The following MYO16 variants were observed in gnomAD, a reference collection of about 807,000 sequenced individuals.
MYO16 encodes the protein unconventional myosin-XVI.
MYO16 carries 94 observed loss-of-function variants against 205.3 expected under a neutral mutation model. The observed-to-expected ratio is 0.46, with a 90% confidence interval of 0.39 to 0.54. The LOEUF is 0.54. MYO16 is among the 20% of genes least tolerant of loss of function. MYO16 has a pLI of 0.00. For synonymous variants in MYO16, 988 were observed against 954.0 expected (o/e 1.04, Z -0.66); for missense variants, 2,315 against 2,387.5 (o/e 0.97, Z 0.63).
intron 1 of MYO16, among the ~76,000 whole-genome samples, chr13:108,638,724 G>GA (rs1300469975): frequency 6.6e-6 from 1 of 152,046 alleles, no homozygotes; most frequent in Non-Finnish European, 1.5e-5. Context: ...TGTATAAATA[G>GA]AATTTTTTTC....
chr13:108,550,893 A>G, the MYO16 span, among the ~76,000 whole-genome samples: 8 of 152,222 alleles, frequency 5.3e-5, no homozygotes, highest in Non-Finnish European at 1.2e-4. Context: ...ATCCACAGGC[A>G]TAATGCATGA....
chr13:108,772,225 G>T (rs1458442878), intron 4 of MYO16, among the ~76,000 whole-genome samples: 3 of 152,108 alleles, frequency 2.0e-5, no homozygotes, highest in African/African-American at 4.8e-5. Flanking sequence ...CGAGCATGGT[G>T]GTGCACACCT....
intron 6 of MYO16, among the ~76,000 whole-genome samples, chr13:108,804,680 G>T (rs1887061858): frequency 6.6e-6 from 1 of 152,098 alleles, no homozygotes; most frequent in African/African-American, 2.4e-5. Flanking sequence ...TTGAAAAGTT[G>T]GTTATCTCAT....
intron 16 of MYO16, among the ~76,000 whole-genome samples, chr13:108,953,411 A>G (rs1883229603): frequency 6.6e-6 from 1 of 152,350 alleles, no homozygotes. Context: ...CATTCTGTAC[A>G]TGCATTGCAA....
intron 12 of MYO16, among the ~76,000 whole-genome samples, chr13:108,880,062 T>C (rs1314268051): frequency 1.3e-5 from 2 of 152,200 alleles, no homozygotes. Flanking sequence ...TTCTAACTGG[T>C]GTGAGATGGT....
intron 10 of MYO16, among the ~76,000 whole-genome samples, chr13:108,848,185 G>A (rs927125272): frequency 9.9e-5 from 15 of 152,094 alleles, no homozygotes; most frequent in African/African-American, 3.6e-4. Context: ...TAGACTGACT[G>A]TATGTGACTG....
chr13:109,018,380 A>G (rs1049464712), intron 22 of MYO16, among the ~76,000 whole-genome samples: 4 of 152,160 alleles, frequency 2.6e-5, no homozygotes, highest in African/African-American at 9.7e-5. Context: ...AGGGGTACCC[A>G]GCTGTATGAG....
intron 34 of MYO16, among the ~76,000 whole-genome samples, chr13:109,195,890 T>A (rs1880133516): frequency 6.6e-6 from 1 of 152,220 alleles, no homozygotes; most frequent in Non-Finnish European, 1.5e-5. Flanking sequence ...AAATTTTATA[T>A]CTTATGTTTA....
chr13:108,868,059 TTTAA>T (rs555615218), intron 12 of MYO16, among the ~76,000 whole-genome samples: 104 of 152,318 alleles, frequency 6.8e-4, no homozygotes, highest in Non-Finnish European at 1.1e-3. Flanking sequence ...TATATGGCAG[TTTAA>T]TTAACTATTG....
intron 20 of MYO16, among the ~76,000 whole-genome samples, chr13:108,989,868 T>A (rs277802): frequency 0.98 from 148,431 of 152,150 alleles, 72,483 homozygotes; most frequent in East Asian, 1. Context: ...ACTTATTTTT[T>A]AAAAAAGAGG....
chr13:109,030,036 T>A (rs1886499199), intron 23 of MYO16, among the ~76,000 whole-genome samples: 1 of 152,164 alleles, frequency 6.6e-6, no homozygotes, highest in Non-Finnish European at 1.5e-5. Flanking sequence ...TTCAGCTGTG[T>A]CAATTTCAAG....
chr13:108,745,195 T>C (rs1182346760), intron 4 of MYO16, among the ~76,000 whole-genome samples: 2 of 152,188 alleles, frequency 1.3e-5, no homozygotes, highest in Non-Finnish European at 2.9e-5. Context: ...GAAGATGGTC[T>C]GGAGCGGAAG....
At position 108,599,068 on chromosome 13, in the gene MYO16, A is replaced by G. The variant is rs140458212; in HGVS notation, c.-39+2829A>G. ...CGTGTGTTCTCATTGTTCAATTCCA[A>G]TCTATGAGTGAGAACATGTGTTGTT... is the stretch of plus-strand genomic sequence containing the variant. On this transcript the variant is annotated intron_variant, in intron 1 of 24. Transcript: ENST00000251041. 6.0e-3 allele frequency among the ~76,000 whole-genome samples: 875 copies of G among 144,864 alleles called. 13 individuals are homozygous for G. Among genetic ancestry groups the G allele is most frequent in the African/African-American group, 0.022 (840 of 39,062 alleles).
chr13:108,603,661 G>A (rs1160950182), intron 1 of MYO16, among the ~76,000 whole-genome samples: 1 of 151,848 alleles, frequency 6.6e-6, no homozygotes, highest in Non-Finnish European at 1.5e-5. Flanking sequence ...GTCACTTATA[G>A]CACTATCTAT....
At chr13:109,050,797 G>GT (rs1210905732) in intron 24 of MYO16, among the ~76,000 whole-genome samples, 1 of 151,088 alleles carries the variant, frequency 6.6e-6, no homozygotes, top group Non-Finnish European at 1.5e-5. Context: ...TGCTAAAATT[G>GT]TTTGAGACTT....
intron 1 of MYO16, among the ~76,000 whole-genome samples, chr13:108,618,901 C>G (rs1159001233): frequency 1.3e-5 from 2 of 152,112 alleles, no homozygotes; most frequent in Non-Finnish European, 2.9e-5. Flanking sequence ...CTTAATGTAT[C>G]TCTCTATATT....
At chr13:108,762,220 A>G (rs969700) in intron 4 of MYO16, among the ~76,000 whole-genome samples, 23,233 of 152,174 alleles carry the variant, frequency 0.15, 1,879 homozygotes, top group Middle Eastern at 0.3. Context: ...TATAAATACC[A>G]CATTTTCTTT....
At chr13:109,134,108 G>A (rs186336065) in intron 31 of MYO16, among the ~76,000 whole-genome samples, 6 of 152,294 alleles carry the variant, frequency 3.9e-5, no homozygotes, top group Non-Finnish European at 7.3e-5. Flanking sequence ...TGTTTATCAT[G>A]TGCAGGCATT....
At chr13:108,675,427 A>T (rs1882159268) in intron 2 of MYO16, among the ~76,000 whole-genome samples, 1 of 152,214 alleles carries the variant, frequency 6.6e-6, no homozygotes, top group African/African-American at 2.4e-5. Context: ...ATTGCATTTA[A>T]ATTCTGAAGG....
Sources: gnomAD v4.1 joint callset for allele counts (sites outside exome capture counted in the v4.1 genomes callset) on GRCh38, gnomAD v4.1.1 for gene constraint, MANE v1.5 for transcripts, NCBI Gene and HGNC (gene_info 2026-07-23, HGNC 2026-07-21) for gene names.